LRP4: variants seen among roughly 807,000 people sequenced by gnomAD.
LRP4 encodes LDL receptor related protein 4, also known as low-density lipoprotein receptor-related protein 4.
A neutral mutation model predicts 220.3 loss-of-function variants in LRP4; 95 were observed. That is an observed-to-expected ratio of 0.43 (90% CI 0.37 to 0.51). The LOEUF is 0.51. Ranked by LOEUF, LRP4 falls within the 20% of genes least tolerant of loss-of-function variation. The pLI is 0.00. For missense variants in LRP4, 1,925 were observed against 2,567.0 expected (o/e 0.75, Z 5.40); for synonymous variants, 903 against 954.6 (o/e 0.95, Z 1.00).
Position 46,876,637 on chromosome 11 carries a change from C to T in LRP4, c.3365G>A (p.Gly1122Glu). The part of the protein sequence containing the change: ...GSQHEDIITT[G>E]LQTTDGLAVD... Reference sequence around the variant, plus strand: ...CGCGAGCCCATCTGTGGTCTGTAGCCCTGTGGGAAGTCAAAAGAGCACACT... The same window carrying T: ...CGCGAGCCCATCTGTGGTCTGTAGCTCTGTGGGAAGTCAAAAGAGCACACT... Residue 1122 changes from glycine to glutamate, a missense_variant and splice_region_variant, in exon 25 of 38, where the codon GGG becomes GAG. Around this residue, in one of 3 missense-constraint regions of LRP4, gnomAD observed 1,244 missense variants for 1,624.9 expected, o/e 0.77. Coordinates refer to ENST00000378623, the MANE Select transcript of LRP4 (RefSeq NM_002334.4). 6.2e-7 allele frequency: 1 copy of T among 1,614,140 alleles called. No homozygotes were observed. The highest frequency in any genetic ancestry group is 8.5e-7 in the Non-Finnish European group (1 of 1,180,038).
intron 2 of LRP4, among the ~76,000 whole-genome samples, chr11:46,901,071 C>T (rs1045421521): frequency 1.3e-5 from 2 of 152,202 alleles, no homozygotes; most frequent in African/African-American, 2.4e-5. Flanking sequence ...GTTGGGATTA[C>T]AGGCGTGAGC....
chr11:46,888,968 T>C (rs1398018636), intron 16 of LRP4, among the ~76,000 whole-genome samples: 1 of 152,198 alleles, frequency 6.6e-6, no homozygotes, highest in Non-Finnish European at 1.5e-5. Flanking sequence ...GTTTAACACA[T>C]ATTTATCCAG....
At chr11:46,880,748 A>T (rs1257955063) in intron 20 of LRP4, among the ~76,000 whole-genome samples, 1 of 152,036 alleles carries the variant, frequency 6.6e-6, no homozygotes, top group Non-Finnish European at 1.5e-5. Context: ...CACTGAGGCA[A>T]TTGGTAGTGA....
intron 16 of LRP4, 67 bp from the exon 17 acceptor site, chr11:46,886,600 G>A (rs1367940886): frequency 6.8e-6 from 9 of 1,326,652 alleles, no homozygotes; most frequent in African/African-American, 1.4e-5. Context: ...AGACACAGAC[G>A]CTCACCTGCG....
At position 46,899,852 on chromosome 11, in the gene LRP4, G is replaced by C. The variant is rs1318224307; in HGVS notation, c.430+11C>G. ...CCACCTTGCCTGCCTTCCCCCGTTGGGGTCACCCACCACACTGCTCATCGC... is the reference window on the plus strand; with the variant it reads ...CCACCTTGCCTGCCTTCCCCCGTTGCGGTCACCCACCACACTGCTCATCGC... On this transcript the variant is annotated intron_variant, in intron 4 of 37. Transcript: ENST00000378623. This position sits in a 1 kb window ranked among gnomAD's most constrained non-coding sequence, Gnocchi z 5.9. 6.2e-7 allele frequency: 1 copy of C among 1,612,382 alleles called. No individual in the cohort carries two copies. Among genetic ancestry groups the C allele is most frequent in the South Asian group, 1.1e-5 (1 of 91,070 alleles).
chr11:46,870,324 A>T (rs570731291), intron 31 of LRP4, among the ~76,000 whole-genome samples: 1 of 152,198 alleles, frequency 6.6e-6, no homozygotes, highest in Non-Finnish European at 1.5e-5. Context: ...CTAGTGGGAC[A>T]TAATATAGAA....
chr11:46,877,804 G>A (rs1941056145), intron 22 of LRP4, among the ~76,000 whole-genome samples: 1 of 152,116 alleles, frequency 6.6e-6, no homozygotes, highest in Non-Finnish European at 1.5e-5. Flanking sequence ...TCTATAAAAT[G>A]GGGACAATAA....
chr11:46,890,026 C>T lies in LRP4; in HGVS notation c.2010G>A (p.Thr670=), dbSNP rs199654257. The T allele has an allele frequency of 1.5e-5, 24 of 1,614,032 alleles. No homozygotes were observed. The Admixed American group carries it at 1.5e-4, about 10-fold the overall frequency. Residue 670 remains threonine (T), a synonymous_variant, in exon 15 of 38, where the codon ACG becomes ACA. Transcript: ENST00000378623. This position sits in a 1 kb window ranked among gnomAD's most constrained non-coding sequence, Gnocchi z 5.3. ...TKSINSANKF[T]GKNQEIIRNK... The stretch of plus-strand genomic sequence containing the variant: ...TGCGAATGATTTCCTGGTTCTTCCC[C>T]GTAAATTTGTTAGCGCTATTGATGC...
intron 7 of LRP4, among the ~76,000 whole-genome samples, chr11:46,898,095 G>C (rs138945672): frequency 6.8e-6 from 1 of 146,940 alleles, no homozygotes; most frequent in Admixed American, 6.8e-5. Context: ...CTGACCGGGC[G>C]GGGGGCTGAC....
At chr11:46,901,068 T>C (rs1941656471) in intron 2 of LRP4, among the ~76,000 whole-genome samples, 1 of 152,178 alleles carries the variant, frequency 6.6e-6, no homozygotes. Flanking sequence ...ACTGTTGGGA[T>C]TACAGGCGTG....
At chr11:46,891,426 TATAC>T (rs1377705749) in intron 13 of LRP4, among the ~76,000 whole-genome samples, 1 of 78,676 alleles carries the variant, frequency 1.3e-5, no homozygotes, top group Non-Finnish European at 2.5e-5. Flanking sequence ...TTTTGTATTT[TATAC>T]ACACACACAC....
intron 1 of LRP4, among the ~76,000 whole-genome samples, chr11:46,916,574 C>A (rs1028877971): frequency 6.6e-6 from 1 of 150,806 alleles, no homozygotes; most frequent in African/African-American, 2.4e-5. Context: ...ATATTTGCAG[C>A]GTTGACAGCT....
chr11:46,884,551 A>G (rs1402222819), intron 18 of LRP4, among the ~76,000 whole-genome samples: 2 of 152,026 alleles, frequency 1.3e-5, no homozygotes, highest in African/African-American at 4.8e-5. Context: ...CCTGGCTAAC[A>G]TGGTGAAACC....
At chr11:46,885,659 C>A (rs1269703812) in intron 18 of LRP4, among the ~76,000 whole-genome samples, 3 of 151,290 alleles carry the variant, frequency 2.0e-5, no homozygotes, top group African/African-American at 7.3e-5. Flanking sequence ...GTAGTCCCAG[C>A]TACTTGGGAG....
chr11:46,863,510 G>A (rs1245461190), intron 36 of LRP4, among the ~76,000 whole-genome samples: 2 of 149,578 alleles, frequency 1.3e-5, no homozygotes, highest in Non-Finnish European at 3.0e-5. Flanking sequence ...GGCTGAGGTG[G>A]GCAGATCACA....
At position 46,890,232 on chromosome 11, in the gene LRP4, G is replaced by C; in HGVS notation, c.1915+45C>G. 2 of 1,607,822 alleles carry C rather than the reference G, an allele frequency of 1.2e-6. No individual in the cohort carries two copies. Among genetic ancestry groups the C allele is most frequent in the Non-Finnish European group, 1.7e-6 (2 of 1,174,524 alleles). On this transcript the variant is annotated intron_variant, in intron 14 of 37. Coordinates refer to ENST00000378623, the MANE Select transcript of LRP4 (RefSeq NM_002334.4). The surrounding 1 kb of genome is among the most constrained non-coding windows in gnomAD (Gnocchi z 5.3). ...CAAGGCTCCTGGGGGGCAGGGACGGGGGCAGGAGGACAAGAGATGAAGGAG... is the reference window on the plus strand; with the variant it reads ...CAAGGCTCCTGGGGGGCAGGGACGGCGGCAGGAGGACAAGAGATGAAGGAG...
intron 34 of LRP4, among the ~76,000 whole-genome samples, chr11:46,867,242 T>C (rs1592514215): frequency 6.6e-6 from 1 of 151,692 alleles, no homozygotes; most frequent in Admixed American, 6.6e-5. Flanking sequence ...TGCGGGGGGG[T>C]GCACATGACA....
chr11:46,873,832 G>T lies in LRP4; in HGVS notation c.4230-239C>A. The T allele has an allele frequency of 2.0e-6, 1 of 507,010 alleles. No individual in the cohort carries two copies. The highest frequency in any genetic ancestry group is 3.5e-6 in the Non-Finnish European group (1 of 288,402). The allele number at this position is 507,010 out of a possible 1,614,324, so 31.4% of individuals were successfully genotyped here. A position where few individuals can be genotyped will look rare whatever the true frequency, so the allele number is the denominator to read the frequency against. ...TTTCCTGCTAACTGGACATAGTGGC[G>T]GTTGCCAGGGGATGTCTTGCTAGAA... On this transcript the variant is annotated intron_variant, in intron 28 of 37. Coordinates refer to ENST00000378623, the MANE Select transcript of LRP4 (RefSeq NM_002334.4). This position sits in a 1 kb window ranked among gnomAD's most constrained non-coding sequence, Gnocchi z 4.2.
Position 46,896,964 on chromosome 11 carries a change from C to T in LRP4, c.827G>A (p.Arg276His), listed in dbSNP as rs1592543038. 1 of 1,614,202 alleles carries T rather than the reference C, an allele frequency of 6.2e-7. No individual in the cohort carries two copies. Among genetic ancestry groups the T allele is most frequent in the Non-Finnish European group, 8.5e-7 (1 of 1,180,016 alleles). ...TTSMCTAEQF[R>H]CHSGRCVRLS... ...GCGGACACAGCGGCCTGAGTGACAGCGGAACTGTTCTGCCGTACACATGGA... is the reference window on the plus strand; with the variant it reads ...GCGGACACAGCGGCCTGAGTGACAGTGGAACTGTTCTGCCGTACACATGGA... Residue 276 changes from arginine to histidine, a missense_variant, in exon 8 of 38, where the codon CGC (arginine) becomes CAC (histidine). Coordinates refer to ENST00000378623, the MANE Select transcript of LRP4 (RefSeq NM_002334.4).
Sources: allele counts gnomAD v4.1 joint callset (sites outside exome capture counted in the v4.1 genomes callset), GRCh38; gene constraint gnomAD v4.1.1; regional missense constraint gnomAD v4.1.1; non-coding constraint Gnocchi (gnomAD v3.1); transcripts MANE v1.5; gene names NCBI Gene and HGNC (gene_info 2026-07-23, HGNC 2026-07-21).